Variants in ABCB1 observed in about 807,000 individuals in gnomAD.
ABCB1 encodes ATP-dependent translocase ABCB1.
Under a neutral mutation model 142.0 loss-of-function variants are expected in ABCB1, and 69 were observed. The observed-to-expected ratio is 0.49, with a 90% CI of 0.40 to 0.59. The LOEUF (loss-of-function observed/expected upper bound fraction) is 0.59, where lower values mean the gene tolerates loss of function less well. ABCB1 is among the 20% of genes least tolerant of loss of function. ABCB1 has a pLI of 0.00. For missense variants in ABCB1, 1,326 were observed against 1,554.7 expected, an observed-to-expected ratio of 0.85 and a Z score of 2.47; for synonymous variants, 532 against 539.2, an observed-to-expected ratio of 0.99 and a Z score of 0.18.
At chr7:87,702,142 CAAAAAAA>C (rs146127516) in intron 1 of ABCB1, among the ~76,000 whole-genome samples, 4 of 16,772 alleles carry the variant, frequency 2.4e-4, no homozygotes, top group East Asian at 5.3e-3. Flanking sequence ...GACTCTGTCT[CAAAAAAA>C]AAAAAAAAAA....
rs1490145642 is a variant in ABCB1 at position 87,658,466 on chromosome 7, T to C, written c.-331+54695A>G. ...AAGGAGAGAAGAAAGAAGGTGGGAC[T>C]GAAAAAGTACTCAACAGCTGAAAAT... On this transcript the variant is annotated intron_variant, in intron 1 of 28. Coordinates refer to the ABCB1 transcript ENST00000265724. 2.6e-5 allele frequency among the ~76,000 whole-genome samples: 4 copies of C among 152,276 alleles called. No homozygotes were observed. The East Asian group carries it at 7.7e-4, about 29-fold the overall frequency.
At chr7:87,710,548 G>T in intron 1 of ABCB1, 4 of 1,406,162 alleles carry the variant, frequency 2.8e-6, no homozygotes, top group South Asian at 2.6e-5. Flanking sequence ...TTTTATATTT[G>T]ATTCTTTCTT....
rs1188007486 is a variant in ABCB1, at chr7:87,579,127, G to A, written c.286+6385C>T. ...TCACTCCTAATAGTTATTTGTTGGA[G>A]TCTTTAGGTTTTTCCAAATATAAGA... On this transcript the variant is annotated intron_variant, in intron 4 of 27. Coordinates refer to ENST00000622132, the MANE Select transcript of ABCB1 (RefSeq NM_001348946.2). 3.9e-5 allele frequency among the ~76,000 whole-genome samples: 6 copies of A among 152,286 alleles called. No individual in the cohort carries two copies. The South Asian group carries it at 1.2e-3, about 32-fold the overall frequency.
intron 2 of ABCB1, among the ~76,000 whole-genome samples, chr7:87,599,044 AT>A (rs753937938): frequency 2.6e-5 from 4 of 152,174 alleles, no homozygotes; most frequent in Non-Finnish European, 4.4e-5. Context: ...TCATATTGAA[AT>A]TTCTAATTCA....
chr7:87,510,780 G>A (rs1814970740), intron 25 of ABCB1, among the ~76,000 whole-genome samples: 1 of 152,074 alleles, frequency 6.6e-6, no homozygotes, highest in Non-Finnish European at 1.5e-5. Flanking sequence ...GTTCCAAGCT[G>A]AGTTGCCATG....
rs1563082102 is a variant in ABCB1, at chr7:87,626,763, CATATATATGTCAGAG to C, written c.-330-25700_-330-25686del. ...TGTCATATATATGTCATATATATGT[CATATATATGTCAGAG>C]AGAGAGAGAGAGAGAGAGATGGAGT... On this transcript the variant is annotated intron_variant, in intron 1 of 28. Transcript: ENST00000265724. Among the ~76,000 whole-genome samples the C allele has an allele frequency of 1.7e-4, 23 of 136,956 alleles. 1 individual carries two copies. The highest frequency in any genetic ancestry group is 2.3e-4 in the South Asian group (1 of 4,292). The allele number at this position is 136,956 out of a possible 152,430, so 89.8% of individuals were successfully genotyped here.
chr7:87,534,267 C>T (rs776749653), intron 20 of ABCB1, among the ~76,000 whole-genome samples: 61 of 152,194 alleles, frequency 4.0e-4, no homozygotes, highest in Admixed American at 6.5e-4. Context: ...GATATTTGTC[C>T]ATCAAAGCAC....
intron 1 of ABCB1, among the ~76,000 whole-genome samples, chr7:87,691,101 G>C (rs1827977126): frequency 6.6e-6 from 1 of 151,984 alleles, no homozygotes; most frequent in African/African-American, 2.4e-5. Flanking sequence ...GAAAAATATA[G>C]AAGAATAAAT....
At chr7:87,536,241 T>C (rs550678425) in intron 20 of ABCB1, among the ~76,000 whole-genome samples, 15 of 152,316 alleles carry the variant, frequency 9.8e-5, no homozygotes, top group African/African-American at 3.4e-4. Flanking sequence ...ATAACAGCAA[T>C]AGCAAATGGT....
At chr7:87,699,792 C>T (rs942225433) in intron 1 of ABCB1, among the ~76,000 whole-genome samples, 1 of 152,098 alleles carries the variant, frequency 6.6e-6, no homozygotes, top group African/African-American at 2.4e-5. Context: ...TGAAAGATTA[C>T]AAGTTTTTCA....
At chr7:87,586,904 GT>G (rs1427915544) in intron 3 of ABCB1, among the ~76,000 whole-genome samples, 14 of 148,148 alleles carry the variant, frequency 9.5e-5, no homozygotes, top group Non-Finnish European at 2.1e-4. Flanking sequence ...GTAAAAAAGA[GT>G]ATCTAATAGA....
intron 1 of ABCB1, among the ~76,000 whole-genome samples, chr7:87,685,628 C>A (rs1827382273): frequency 1.3e-5 from 2 of 152,046 alleles, no homozygotes; most frequent in South Asian, 2.1e-4. Context: ...TAGGAAAGAC[C>A]AAACTGTAGT....
chr7:87,526,360 C>T (rs937365658), intron 21 of ABCB1, among the ~76,000 whole-genome samples: 1 of 151,884 alleles, frequency 6.6e-6, no homozygotes, highest in African/African-American at 2.4e-5. Context: ...CTGTAGAGTA[C>T]CATGTGCTTT....
intron 21 of ABCB1, among the ~76,000 whole-genome samples, chr7:87,525,546 T>G (rs546435292): frequency 6.6e-6 from 1 of 152,342 alleles, no homozygotes; most frequent in South Asian, 2.1e-4. Context: ...ATGTTATATG[T>G]AATACATATT....
chr7:87,700,113 A>G (rs1408856884), intron 1 of ABCB1, among the ~76,000 whole-genome samples: 15 of 152,140 alleles, frequency 9.9e-5, no homozygotes, highest in Non-Finnish European at 2.9e-5. Flanking sequence ...AAGCGACTGT[A>G]TTAGACAAAT....
At chr7:87,708,376 A>T (rs1045047385) in intron 1 of ABCB1, among the ~76,000 whole-genome samples, 2 of 152,180 alleles carry the variant, frequency 1.3e-5, no homozygotes, top group African/African-American at 4.8e-5. Context: ...CACATCTATT[A>T]TATAAATTTG....
At chr7:87,668,814 A>G (rs1298260951) in intron 1 of ABCB1, among the ~76,000 whole-genome samples, 8 of 152,044 alleles carry the variant, frequency 5.3e-5, no homozygotes, top group Non-Finnish European at 1.5e-5. Flanking sequence ...CTTGACTTCT[A>G]TTTTTATTGC....
At chr7:87,580,150 C>T (rs1187986130) in intron 4 of ABCB1, among the ~76,000 whole-genome samples, 2 of 151,980 alleles carry the variant, frequency 1.3e-5, no homozygotes, top group Non-Finnish European at 2.9e-5. Flanking sequence ...GAGTTTTGTA[C>T]CTTCAGATGA....
At chr7:87,668,637 A>T (rs1488010077) in intron 1 of ABCB1, among the ~76,000 whole-genome samples, 1 of 152,058 alleles carries the variant, frequency 6.6e-6, no homozygotes, top group African/African-American at 2.4e-5. Context: ...CTCTCTTAAC[A>T]CTGTCTTAGC....
Sources: allele counts gnomAD v4.1 joint callset (sites outside exome capture counted in the v4.1 genomes callset), GRCh38; gene constraint gnomAD v4.1.1; transcripts MANE v1.5; gene names NCBI Gene and HGNC (gene_info 2026-07-23, HGNC 2026-07-21).